SGCZ: variants seen among roughly 807,000 people sequenced by gnomAD.
SGCZ encodes the protein zeta-sarcoglycan.
A neutral mutation model predicts 41.3 loss-of-function variants in SGCZ; 40 were observed. That is an observed-to-expected ratio of 0.97 (90% CI 0.75 to 1.26). SGCZ has a LOEUF of 1.26. SGCZ is among the 50% of genes most tolerant of loss of function. SGCZ has a pLI of 0.00. For synonymous variants in SGCZ, 206 were observed against 137.5 expected, an observed-to-expected ratio of 1.50 and a Z score of -3.49; for missense variants, 552 against 369.8, an observed-to-expected ratio of 1.49 and a Z score of -4.04.
chr8:14,352,918 C>T (rs758935652), intron 2 of SGCZ, among the ~76,000 whole-genome samples: 25 of 152,050 alleles, frequency 1.6e-4, no homozygotes, highest in Non-Finnish European at 2.6e-4. Context: ...TCTCTGCATA[C>T]ATATCATTTG....
chr8:14,573,098 G>C (rs1804603767), intron 1 of SGCZ, among the ~76,000 whole-genome samples: 1 of 151,778 alleles, frequency 6.6e-6, no homozygotes, highest in Non-Finnish European at 1.5e-5. Flanking sequence ...TATTATATGT[G>C]GCAAGTGTAA....
At chr8:14,145,846 C>G (rs546955923) in intron 5 of SGCZ, among the ~76,000 whole-genome samples, 18 of 152,202 alleles carry the variant, frequency 1.2e-4, no homozygotes, top group Middle Eastern at 3.4e-3. Flanking sequence ...CAGAATCGAT[C>G]AAGCTGGAGG....
intron 5 of SGCZ, among the ~76,000 whole-genome samples, chr8:14,122,977 A>C (rs1348461620): frequency 6.6e-6 from 1 of 152,218 alleles, no homozygotes; most frequent in Non-Finnish European, 1.5e-5. Flanking sequence ...TCCCTTTTAG[A>C]GATAAAGTGA....
At chr8:15,012,553 T>C in intron 1 of SGCZ, among the ~76,000 whole-genome samples, 1 of 108,952 alleles carries the variant, frequency 9.2e-6, no homozygotes, top group African/African-American at 3.1e-5. Context: ...TATGAATATT[T>C]ATATATAACA....
At chr8:14,469,180 C>G (rs1801139427) in intron 2 of SGCZ, among the ~76,000 whole-genome samples, 1 of 152,134 alleles carries the variant, frequency 6.6e-6, no homozygotes, top group Non-Finnish European at 1.5e-5. Context: ...GGCTTTTAAA[C>G]ATCCTTATGA....
chr8:14,178,731 T>G (rs1180964823), intron 4 of SGCZ, among the ~76,000 whole-genome samples: 1 of 152,328 alleles, frequency 6.6e-6, no homozygotes, highest in East Asian at 1.9e-4. Context: ...TGATGACTAG[T>G]TTTGTCTAAT....
At chr8:14,488,752 CT>C (rs1324422506) in intron 2 of SGCZ, among the ~76,000 whole-genome samples, 5 of 145,018 alleles carry the variant, frequency 3.4e-5, no homozygotes, top group African/African-American at 1.0e-4. Context: ...ACTCTCCTGC[CT>C]TTTGTTTCAG....
In SGCZ at chr8:15,229,019, C is replaced by A. The variant is rs549433759; in HGVS notation, c.39+8566G>T. 3.0e-3 allele frequency among the ~76,000 whole-genome samples: 451 copies of A among 152,182 alleles called. 1 individual carries two copies. The highest frequency in any genetic ancestry group is 0.011 in the African/African-American group (438 of 41,514). ...GACCAGCCTGGCCAACATGGTGAAA[C>A]CCGTATCTACAAAAATACAAAAATC... On this transcript the variant is annotated intron_variant, in intron 1 of 7. Transcript: ENST00000382080.
rs143638851 is a variant in SGCZ, at chr8:14,280,036, T to C, written c.337-42357A>G. Reference sequence around the variant, plus strand: ...ATCTTTTTGAATGGTAGGAGTCAAATATAGATTTCTGAGTCATACAATGTG... The same window carrying C: ...ATCTTTTTGAATGGTAGGAGTCAAACATAGATTTCTGAGTCATACAATGTG... On this transcript the variant is annotated intron_variant, in intron 3 of 7. Transcript: ENST00000382080. Among the ~76,000 whole-genome samples the C allele has an allele frequency of 7.1e-3, 1,083 of 152,096 alleles. 4 individuals are homozygous for C. Among genetic ancestry groups the C allele is most frequent in the Non-Finnish European group, 0.012 (781 of 67,868 alleles).
chr8:14,528,809 A>G (rs1803030915), intron 2 of SGCZ, among the ~76,000 whole-genome samples: 1 of 144,326 alleles, frequency 6.9e-6, no homozygotes. Context: ...AGGTAATAAC[A>G]CAACATCACG....
At chr8:15,023,650 T>A (rs559267276) in intron 1 of SGCZ, among the ~76,000 whole-genome samples, 5 of 152,320 alleles carry the variant, frequency 3.3e-5, no homozygotes, top group Admixed American at 6.5e-5. Context: ...TTATATTTTT[T>A]AAATATTGGC....
intron 1 of SGCZ, among the ~76,000 whole-genome samples, chr8:15,192,154 G>C (rs1368808572): frequency 6.6e-6 from 1 of 151,998 alleles, no homozygotes; most frequent in East Asian, 1.9e-4. Context: ...ATTGGCTTTT[G>C]TGCTATTTCT....
In SGCZ at chr8:14,293,464, C is replaced by T. The variant is rs368456361; in HGVS notation, c.336+30639G>A. 4.0e-5 allele frequency among the ~76,000 whole-genome samples: 6 copies of T among 151,898 alleles called. No individual in the cohort carries two copies. In the East Asian group the frequency reaches 7.7e-4, roughly 20 times the overall value. On this transcript the variant is annotated intron_variant, in intron 3 of 7. Transcript: ENST00000382080. ...CCACCTACAGACACCCAGTGATTTC[C>T]CATTAACATATAGCATTACACAGAA...
intron 5 of SGCZ, among the ~76,000 whole-genome samples, chr8:14,152,281 C>G (rs977798008): frequency 1.3e-5 from 2 of 152,074 alleles, no homozygotes; most frequent in African/African-American, 4.8e-5. Flanking sequence ...CAAAAGATGT[C>G]TAGACATTTT....
chr8:14,394,337 G>A (rs1291963643), intron 2 of SGCZ, among the ~76,000 whole-genome samples: 3 of 151,882 alleles, frequency 2.0e-5, no homozygotes, highest in Non-Finnish European at 4.4e-5. Context: ...TTCTAACAGA[G>A]ACTGGGTTTC....
intron 2 of SGCZ, among the ~76,000 whole-genome samples, chr8:14,401,388 T>C (rs906944091): frequency 1.3e-5 from 2 of 150,572 alleles, no homozygotes; most frequent in African/African-American, 4.9e-5. Context: ...CTACACCCAA[T>C]AACTCGTCAT....
At chr8:14,182,513 C>G (rs562803204) in intron 4 of SGCZ, among the ~76,000 whole-genome samples, 1 of 152,282 alleles carries the variant, frequency 6.6e-6, no homozygotes, top group Admixed American at 6.5e-5. Flanking sequence ...ACTCATCCAG[C>G]TGGACTTGTC....
chr8:14,545,618 C>G (rs1391596690), intron 2 of SGCZ, among the ~76,000 whole-genome samples: 1 of 152,062 alleles, frequency 6.6e-6, no homozygotes, highest in East Asian at 1.9e-4. Flanking sequence ...TGTGTTTAAT[C>G]TACTTTATGT....
chr8:15,032,753 C>T (rs567127650), intron 1 of SGCZ, among the ~76,000 whole-genome samples: 37 of 152,240 alleles, frequency 2.4e-4, no homozygotes, highest in Middle Eastern at 3.4e-3. Flanking sequence ...CCCCACAGCC[C>T]CAGACGTCAG....
Sources: gnomAD v4.1 joint callset for allele counts (sites outside exome capture counted in the v4.1 genomes callset) on GRCh38, gnomAD v4.1.1 for gene constraint, MANE v1.5 for transcripts, NCBI Gene and HGNC (gene_info 2026-07-23, HGNC 2026-07-21) for gene names.